AGMO: variants seen among roughly 807,000 people sequenced by gnomAD.
The protein encoded by AGMO is alkylglycerol monooxygenase, also known as glyceryl-ether monooxygenase.
A neutral mutation model predicts 60.2 loss-of-function variants in AGMO; 75 were observed. That is an observed-to-expected ratio of 1.25 (90% CI 1.03 to 1.51). The LOEUF is 1.51. Ranked by LOEUF, AGMO falls within the 40% of genes most tolerant of loss-of-function variation. AGMO has a pLI of 0.00. For synonymous variants in AGMO, 261 were observed against 177.1 expected (o/e 1.47, Z -3.76); for missense variants, 763 against 525.5 (o/e 1.45, Z -4.42).
chr7:15,559,407 G>A, intron 2 of AGMO, among the ~76,000 whole-genome samples: 1 of 151,988 alleles, frequency 6.6e-6, no homozygotes. Flanking sequence ...CTAACATAAG[G>A]TTGGAAAACA....
At chr7:15,440,831 A>C (rs1448535758) in intron 3 of AGMO, among the ~76,000 whole-genome samples, 3 of 152,216 alleles carry the variant, frequency 2.0e-5, no homozygotes, top group African/African-American at 4.8e-5. Context: ...AGTTATATTT[A>C]AGGTTAATGG....
rs940933202 is a variant in AGMO, at chr7:15,395,186, G to A, written c.610-1007C>T. 7.9e-5 allele frequency among the ~76,000 whole-genome samples: 12 copies of A among 152,168 alleles called. No homozygotes were observed. In the East Asian group the frequency reaches 1.5e-3, roughly 20 times the overall value. On this transcript the variant is annotated intron_variant, in intron 5 of 12. Transcript: ENST00000342526. ...ACACTGTTATGATATTTTAAGACATGACTCACTTTTAGGGTTAGCTTCCGT... is the reference window on the plus strand; with the variant it reads ...ACACTGTTATGATATTTTAAGACATAACTCACTTTTAGGGTTAGCTTCCGT...
At chr7:15,217,308 G>T (rs73054563) in intron 12 of AGMO, among the ~76,000 whole-genome samples, 16,021 of 151,972 alleles carry the variant, frequency 0.11, 924 homozygotes, top group South Asian at 0.13. Context: ...CAACTGAGGA[G>T]GAGTTCATAA....
At chr7:15,476,227 C>A (rs966562842) in intron 3 of AGMO, among the ~76,000 whole-genome samples, 2 of 152,042 alleles carry the variant, frequency 1.3e-5, no homozygotes, top group African/African-American at 4.8e-5. Flanking sequence ...ACATTAGAAA[C>A]GGATTGTGGA....
At position 15,262,631 on chromosome 7, in the gene AGMO, C is replaced by T. The variant is rs191589921; in HGVS notation, c.1264-61272G>A. ...AAAAAATCCAAAAATTCATATAGAA[C>T]CCAAAAAGAGCCTGCATAGCCAAAA... On this transcript the variant is annotated intron_variant, in intron 12 of 12. Transcript: ENST00000342526. Among the ~76,000 whole-genome samples, 621 of 151,890 alleles carry T rather than the reference C, an allele frequency of 4.1e-3. 4 individuals carry two copies. The highest frequency in any genetic ancestry group is 0.011 in the South Asian group (52 of 4,810).
intron 3 of AGMO, 29 bp downstream of exon 3, chr7:15,544,743 T>C: frequency 6.5e-7 from 1 of 1,528,760 alleles, no homozygotes. Flanking sequence ...TCAACATAAG[T>C]TAACAAAAAG....
At chr7:15,434,000 TA>T (rs1357762878) in intron 3 of AGMO, among the ~76,000 whole-genome samples, 4 of 152,216 alleles carry the variant, frequency 2.6e-5, no homozygotes, top group African/African-American at 9.6e-5. Context: ...CATCTTCTTT[TA>T]ATGTTCGGCT....
chr7:15,546,999 T>G (rs901399632), intron 2 of AGMO, among the ~76,000 whole-genome samples: 3 of 152,180 alleles, frequency 2.0e-5, no homozygotes, highest in Non-Finnish European at 4.4e-5. Flanking sequence ...AGTTTTAGGT[T>G]AAAAATGGCA....
chr7:15,143,427 A>AT, the AGMO span, among the ~76,000 whole-genome samples: 1 of 152,102 alleles, frequency 6.6e-6, no homozygotes, highest in South Asian at 2.1e-4. Flanking sequence ...CCCTTCTCAA[A>AT]TTCCTTCCCT....
At chr7:15,424,283 T>C (rs1781000410) in intron 4 of AGMO, among the ~76,000 whole-genome samples, 11 of 152,026 alleles carry the variant, frequency 7.2e-5, no homozygotes, top group Admixed American at 7.2e-4. Context: ...ATATCCCCAA[T>C]CTCTGCCACC....
At chr7:15,325,175 T>TA (rs1583410158) in intron 12 of AGMO, among the ~76,000 whole-genome samples, 1 of 152,280 alleles carries the variant, frequency 6.6e-6, no homozygotes, top group East Asian at 1.9e-4. Flanking sequence ...ACTGGATAGA[T>TA]AGATTTAGTT....
intron 12 of AGMO, among the ~76,000 whole-genome samples, chr7:15,353,223 C>T (rs12334235): frequency 0.013 from 1,963 of 152,198 alleles, 36 homozygotes; most frequent in African/African-American, 0.045. Context: ...TGGTAGATTA[C>T]ATCCACGAAT....
At chr7:15,194,285 G>A in the AGMO span, among the ~76,000 whole-genome samples, 1 of 152,014 alleles carries the variant, frequency 6.6e-6, no homozygotes, top group African/African-American at 2.4e-5. Flanking sequence ...TGATTGCAAA[G>A]TCCTTCAGCT....
chr7:15,344,932 G>A (rs73298328), intron 12 of AGMO, among the ~76,000 whole-genome samples: 2,715 of 152,234 alleles, frequency 0.018, 70 homozygotes, highest in African/African-American at 0.06. Context: ...TTCTTGAGAT[G>A]CAAAGAATGA....
At chr7:15,227,291 C>T (rs1303024003) in intron 12 of AGMO, among the ~76,000 whole-genome samples, 2 of 151,936 alleles carry the variant, frequency 1.3e-5, no homozygotes, top group African/African-American at 4.8e-5. Context: ...AAACTTCAGC[C>T]AATCACAAGC....
chr7:15,391,578 C>G (rs115641860), intron 6 of AGMO, among the ~76,000 whole-genome samples: 3,193 of 152,152 alleles, frequency 0.021, 115 homozygotes, highest in African/African-American at 0.074. Context: ...ATTAACCAAG[C>G]CATTACCCCA....
intron 12 of AGMO, among the ~76,000 whole-genome samples, chr7:15,355,385 C>T (rs1441960064): frequency 6.6e-6 from 1 of 151,246 alleles, no homozygotes; most frequent in African/African-American, 2.4e-5. Flanking sequence ...TGCCTGTAGT[C>T]CCAGCTACTC....
chr7:15,547,831 G>A (rs1331420804), intron 2 of AGMO, among the ~76,000 whole-genome samples: 1 of 152,042 alleles, frequency 6.6e-6, no homozygotes, highest in East Asian at 1.9e-4. Context: ...AAGGAGGCCT[G>A]CCTGCCTCTG....
chr7:15,483,130 T>C (rs1031587004), intron 3 of AGMO, among the ~76,000 whole-genome samples: 5 of 152,314 alleles, frequency 3.3e-5, no homozygotes, highest in African/African-American at 9.6e-5. Context: ...TAGAATTATG[T>C]ATTTAATAAA....
Sources: allele counts gnomAD v4.1 joint callset (sites outside exome capture counted in the v4.1 genomes callset), GRCh38; gene constraint gnomAD v4.1.1; transcripts MANE v1.5; gene names NCBI Gene and HGNC (gene_info 2026-07-23, HGNC 2026-07-21).